Variants in PLB1 observed in about 807,000 individuals in gnomAD.
PLB1 encodes the protein phospholipase B1.
PLB1 carries 242 observed loss-of-function variants against 227.4 expected under a neutral mutation model. That is an observed-to-expected ratio of 1.06 (90% CI 0.96 to 1.18). The LOEUF (loss-of-function observed/expected upper bound fraction) is 1.18, where lower values mean the gene tolerates loss of function less well. PLB1 is among the 50% of genes most tolerant of loss of function. PLB1 has a pLI of 0.00. For synonymous variants in PLB1, 757 were observed against 682.2 expected (o/e 1.11, Z -1.71); for missense variants, 1,858 against 1,816.3 (o/e 1.02, Z -0.42).
intron 6 of PLB1, among the ~76,000 whole-genome samples, chr2:28,526,894 A>C (rs1411969208): frequency 4.6e-5 from 7 of 152,194 alleles, no homozygotes; most frequent in Non-Finnish European, 1.5e-5. Flanking sequence ...CCAGCAGGGA[A>C]GGTTGAGCCT....
intron 38 of PLB1, among the ~76,000 whole-genome samples, chr2:28,602,260 G>A (rs1368320114): frequency 1.3e-5 from 2 of 152,184 alleles, no homozygotes; most frequent in Non-Finnish European, 2.9e-5. Context: ...TTTTCTGGTG[G>A]TGGCAGCCAG....
At position 28,552,910 on chromosome 2, in the gene PLB1, C is replaced by G; in HGVS notation, c.1084-18C>G. ...AGAAAAATCCATTTTCCTTATTTCC[C>G]TGTGTGTCTCATTTCAGGTAAGAGA... On this transcript the variant is annotated intron_variant, in intron 16 of 57. Coordinates refer to ENST00000327757, the MANE Select transcript of PLB1 (RefSeq NM_153021.5). The G allele has an allele frequency of 6.2e-7, 1 of 1,611,808 alleles. No homozygotes were observed. Among genetic ancestry groups the G allele is most frequent in the Non-Finnish European group, 8.5e-7 (1 of 1,177,996 alleles).
intron 1 of PLB1, among the ~76,000 whole-genome samples, chr2:28,498,227 T>C (rs1264454331): frequency 1.3e-5 from 2 of 151,610 alleles, no homozygotes; most frequent in African/African-American, 4.8e-5. Context: ...AATGTTGTTA[T>C]TATTATTTCT....
At chr2:28,537,700 T>G (rs1671884091) in intron 9 of PLB1, among the ~76,000 whole-genome samples, 2 of 151,664 alleles carry the variant, frequency 1.3e-5, no homozygotes, top group African/African-American at 4.8e-5. Context: ...AGGGTCCGTT[T>G]TTGAGGTCCT....
intron 6 of PLB1, among the ~76,000 whole-genome samples, chr2:28,527,799 G>A (rs536896738): frequency 2.6e-5 from 4 of 152,304 alleles, no homozygotes; most frequent in South Asian, 2.1e-4. Context: ...AAGATCCAAC[G>A]TCATGTTTGA....
chr2:28,507,529 T>C (rs1667767238), intron 1 of PLB1, among the ~76,000 whole-genome samples: 1 of 152,188 alleles, frequency 6.6e-6, no homozygotes, highest in African/African-American at 2.4e-5. Flanking sequence ...TCACCTGTTA[T>C]AGGTCACACC....
chr2:28,612,971 G>C (rs891194133), intron 43 of PLB1, among the ~76,000 whole-genome samples: 1 of 151,548 alleles, frequency 6.6e-6, no homozygotes, highest in Admixed American at 6.6e-5. Context: ...CCAGGCTGGA[G>C]TGCACTGGCA....
chr2:28,567,592 G>A (rs1160567628), intron 20 of PLB1, among the ~76,000 whole-genome samples: 1 of 146,964 alleles, frequency 6.8e-6, no homozygotes. Flanking sequence ...TCCTGCCTCA[G>A]CCTCCCGAGT....
intron 13 of PLB1, 54 bp from the exon 14 acceptor site, chr2:28,543,158 C>T: frequency 5.8e-6 from 9 of 1,544,554 alleles, no homozygotes; most frequent in Non-Finnish European, 7.9e-6. Context: ...TGTAGCAGGT[C>T]CGTTGCATTC....
intron 43 of PLB1, among the ~76,000 whole-genome samples, chr2:28,609,969 T>A (rs896119067): frequency 1.3e-5 from 2 of 152,198 alleles, no homozygotes; most frequent in African/African-American, 4.8e-5. Flanking sequence ...TATGTAATCT[T>A]AGGTTCTCAG....
In PLB1 at chr2:28,589,969, C is replaced by A. The variant is rs762845775; in HGVS notation, c.2017-36C>A. On this transcript the variant is annotated intron_variant, in intron 28 of 57. Coordinates refer to ENST00000327757, the MANE Select transcript of PLB1 (RefSeq NM_153021.5). The stretch of plus-strand genomic sequence containing the variant: ...CCTGAGCTTTCCATTCTGGCCGCCT[C>A]TTCCTCACTCCCCATCTCCCTGCTT... 4 of 1,588,954 alleles carry A rather than the reference C, an allele frequency of 2.5e-6. No homozygotes were observed. In the African/African-American group the frequency reaches 5.4e-5, roughly 21 times the overall value.
In PLB1 at chr2:28,550,053, C is replaced by G. The variant is rs748020091; in HGVS notation, c.1052C>G (p.Thr351Ser). The change falls in exon 16 of 58, where the codon ACC (threonine) becomes AGC (serine). Residue 351 changes from threonine to serine, a missense_variant. Transcript: ENST00000327757. ...LFSYRNSNYL[T>S]RLQKPQDKLE... ...AGCTACAGAAACAGCAACTACCTGA[C>G]CAGACTGCAGAAACCCCAAGACAAG... 2 of 1,613,420 alleles carry G rather than the reference C, an allele frequency of 1.2e-6. No homozygotes were observed. Among genetic ancestry groups the G allele is most frequent in the Non-Finnish European group, 1.7e-6 (2 of 1,179,508 alleles).
At chr2:28,532,858 G>A (rs746838981) in intron 9 of PLB1, among the ~76,000 whole-genome samples, 1 of 152,202 alleles carries the variant, frequency 6.6e-6, no homozygotes, top group African/African-American at 2.4e-5. Context: ...GAAGCGTGTG[G>A]TCTCGTTTAT....
In PLB1 at chr2:28,550,039, C is replaced by T. The variant is rs1211413330; in HGVS notation, c.1038C>T (p.Asn346=). ...GCCCCTATCTGTTCAGCTACAGAAA[C>T]AGCAACTACCTGACCAGACTGCAGA... is the stretch of plus-strand genomic sequence containing the variant. ...QESPYLFSYR[N]SNYLTRLQKP... is the part of the protein sequence containing the mutation. Residue 346 remains asparagine, a synonymous_variant, in exon 16 of 58, where the codon AAC becomes AAT. Coordinates refer to ENST00000327757, the MANE Select transcript of PLB1 (RefSeq NM_153021.5). 2 of 1,613,518 alleles carry T rather than the reference C, an allele frequency of 1.2e-6. No homozygotes were observed. The highest frequency in any genetic ancestry group is 1.7e-6 in the Non-Finnish European group (2 of 1,179,524).
At chr2:28,573,428 C>A in intron 21 of PLB1, 123 bp downstream of exon 21, 1 of 704,616 alleles carries the variant, frequency 1.4e-6, no homozygotes. Flanking sequence ...GGTTTCGGGG[C>A]CAAAGCCTGG....
chr2:28,573,370 C>T, intron 21 of PLB1, 65 bp downstream of exon 21: 1 of 1,267,050 alleles, frequency 7.9e-7, no homozygotes, highest in Non-Finnish European at 1.1e-6. Flanking sequence ...TGGGCTTGGC[C>T]TAAACTGGGT....
chr2:28,523,145 A>G (rs903202968), intron 4 of PLB1, among the ~76,000 whole-genome samples: 11 of 152,168 alleles, frequency 7.2e-5, no homozygotes, highest in Admixed American at 3.3e-4. Context: ...CACATGTTCA[A>G]TATAAGAAAA....
intron 21 of PLB1, among the ~76,000 whole-genome samples, chr2:28,577,432 G>A (rs1679158523): frequency 6.6e-6 from 1 of 152,366 alleles, no homozygotes; most frequent in South Asian, 2.1e-4. Flanking sequence ...TGCCAAAATG[G>A]GTGGTGCCAT....
intron 4 of PLB1, among the ~76,000 whole-genome samples, chr2:28,524,679 G>C (rs1669982806): frequency 6.6e-6 from 1 of 151,990 alleles, no homozygotes; most frequent in Non-Finnish European, 1.5e-5. Flanking sequence ...TGTTTCTATG[G>C]AGAAAGTTAA....
Sources: allele counts gnomAD v4.1 joint callset (sites outside exome capture counted in the v4.1 genomes callset), GRCh38; gene constraint gnomAD v4.1.1; transcripts MANE v1.5; gene names NCBI Gene and HGNC (gene_info 2026-07-23, HGNC 2026-07-21).